COL28A1: variants seen among roughly 807,000 people sequenced by gnomAD.
COL28A1 encodes collagen alpha-1(XXVIII) chain.
A neutral mutation model predicts 150.2 loss-of-function variants in COL28A1; 161 were observed. That is an observed-to-expected ratio of 1.07 (90% CI 0.94 to 1.22). The LOEUF is 1.22. Among genes scored for constraint, COL28A1 ranks in the 50% most tolerant of loss-of-function variants. The pLI is 0.00. For synonymous variants in COL28A1, 552 were observed against 469.7 expected (o/e 1.18, Z -2.26); for missense variants, 1,617 against 1,388.3 (o/e 1.16, Z -2.62).
chr7:7,514,164 A>G (rs1781297679), intron 8 of COL28A1, among the ~76,000 whole-genome samples: 1 of 149,648 alleles, frequency 6.7e-6, no homozygotes, highest in Admixed American at 6.6e-5. Context: ...CACTATATAA[A>G]TCAAAATGGA....
At chr7:7,349,996 G>A in the COL28A1 span, among the ~76,000 whole-genome samples, 4 of 152,122 alleles carry the variant, frequency 2.6e-5, no homozygotes, top group African/African-American at 9.7e-5. Context: ...AAATATAAGT[G>A]ACAGAGAGGT....
At chr7:7,445,974 T>A (rs1786233027) in intron 18 of COL28A1, among the ~76,000 whole-genome samples, 1 of 151,936 alleles carries the variant, frequency 6.6e-6, no homozygotes, top group Non-Finnish European at 1.5e-5. Flanking sequence ...TTCTCCTGCC[T>A]CAGCCTCCTG....
chr7:7,439,287 G>C (rs967806852), intron 21 of COL28A1, among the ~76,000 whole-genome samples: 6 of 152,058 alleles, frequency 3.9e-5, no homozygotes, highest in African/African-American at 9.7e-5. Flanking sequence ...TTCTTGCCAA[G>C]GCATGTATGT....
chr7:7,526,643 T>G lies in COL28A1; in HGVS notation c.682-2394A>C, dbSNP rs192019672. ...TAACAATGAGCAATATCTTTTTTTT[T>G]TCTTCTTTTTGAGATGGAGTCTCGC... On this transcript the variant is annotated intron_variant, in intron 3 of 34. Coordinates refer to ENST00000399429, the MANE Select transcript of COL28A1 (RefSeq NM_001037763.3). 6.5e-3 allele frequency among the ~76,000 whole-genome samples: 992 copies of G among 152,306 alleles called. 6 individuals are homozygous for G. The highest frequency in any genetic ancestry group is 8.1e-3 in the South Asian group (39 of 4,822).
intron 27 of COL28A1, among the ~76,000 whole-genome samples, chr7:7,385,579 C>T (rs1041089071): frequency 2.6e-5 from 4 of 151,436 alleles, no homozygotes; most frequent in African/African-American, 9.8e-5. Flanking sequence ...ATGTCCAATA[C>T]ATGTTCATGA....
chr7:7,506,111 G>C (rs768493817), intron 10 of COL28A1, 44 bp from the exon 11 acceptor site: 2 of 952,040 alleles, frequency 2.1e-6, no homozygotes, highest in African/African-American at 1.6e-5. Flanking sequence ...TGTACAAAAG[G>C]CCAGCAGGAA....
intron 27 of COL28A1, among the ~76,000 whole-genome samples, chr7:7,398,363 A>G (rs973431317): frequency 6.6e-6 from 1 of 152,212 alleles, no homozygotes. Context: ...TTTTCTGTTT[A>G]TAACGACTAG....
downstream of COL28A1, among the ~76,000 whole-genome samples, chr7:7,357,287 T>G (rs1244839472): frequency 1.3e-5 from 2 of 152,096 alleles, no homozygotes; most frequent in Non-Finnish European, 2.9e-5. Context: ...TGACCTCAGG[T>G]GATCCACCCA....
chr7:7,474,720 A>G (rs781036927), intron 14 of COL28A1, 51 bp from the exon 15 acceptor site: 1 of 859,354 alleles, frequency 1.2e-6, no homozygotes, highest in Non-Finnish European at 2.0e-6. Flanking sequence ...TCTGAATTTT[A>G]AAAGAGTTTA....
chr7:7,422,053 G>C (rs73047875), intron 25 of COL28A1, among the ~76,000 whole-genome samples: 3 of 152,176 alleles, frequency 2.0e-5, no homozygotes, highest in Non-Finnish European at 4.4e-5. Flanking sequence ...TTCAAAGGGA[G>C]AGTGTGTAAG....
chr7:7,436,679 A>T (rs1162804736), intron 22 of COL28A1, among the ~76,000 whole-genome samples: 1 of 152,246 alleles, frequency 6.6e-6, no homozygotes, highest in African/African-American at 2.4e-5. Context: ...GAGAAAGTCC[A>T]TTGAAATAAT....
At chr7:7,454,693 A>G (rs1241290295) in intron 16 of COL28A1, among the ~76,000 whole-genome samples, 2 of 152,184 alleles carry the variant, frequency 1.3e-5, no homozygotes, top group Non-Finnish European at 2.9e-5. Flanking sequence ...ATTTAGCCCC[A>G]TAGTGGTCAC....
At chr7:7,507,029 G>A (rs1780846834) in intron 10 of COL28A1, 88 bp downstream of exon 10, 2 of 722,442 alleles carry the variant, frequency 2.8e-6, no homozygotes, top group South Asian at 3.4e-5. Flanking sequence ...TGATTTAACT[G>A]GCAGAGGGTG....
At chr7:7,477,664 A>T (rs1789014937) in intron 13 of COL28A1, among the ~76,000 whole-genome samples, 1 of 152,228 alleles carries the variant, frequency 6.6e-6, no homozygotes, top group South Asian at 2.1e-4. Context: ...GTGAAGCTGC[A>T]GACCTTCGCA....
At chr7:7,472,438 A>AT (rs1203403320) in intron 15 of COL28A1, among the ~76,000 whole-genome samples, 1 of 152,080 alleles carries the variant, frequency 6.6e-6, no homozygotes, top group East Asian at 1.9e-4. Context: ...AAAAAAAAAA[A>AT]TAAAATACTT....
intron 15 of COL28A1, among the ~76,000 whole-genome samples, chr7:7,459,555 T>G (rs1187165211): frequency 6.6e-6 from 1 of 152,258 alleles, no homozygotes. Flanking sequence ...CAAATTGATA[T>G]GAGTTCTCTG....
At chr7:7,495,279 C>T (rs1300631358) in intron 11 of COL28A1, among the ~76,000 whole-genome samples, 1 of 152,188 alleles carries the variant, frequency 6.6e-6, no homozygotes, top group Non-Finnish European at 1.5e-5. Context: ...ACTTACAGCA[C>T]ATCTCAATTT....
chr7:7,441,321 C>G (rs948041391), intron 20 of COL28A1, among the ~76,000 whole-genome samples: 7 of 151,934 alleles, frequency 4.6e-5, no homozygotes, highest in African/African-American at 1.7e-4. Context: ...TTCTTTCCCC[C>G]AAAAGAGACC....
chr7:7,411,503 C>T (rs1429463589), intron 27 of COL28A1, among the ~76,000 whole-genome samples: 8 of 152,180 alleles, frequency 5.3e-5, no homozygotes, highest in Admixed American at 3.3e-4. Context: ...ACTGCTACTC[C>T]TCTTTTTCTC....
Sources: allele counts gnomAD v4.1 joint callset (sites outside exome capture counted in the v4.1 genomes callset), GRCh38; gene constraint gnomAD v4.1.1; transcripts MANE v1.5; gene names NCBI Gene and HGNC (gene_info 2026-07-23, HGNC 2026-07-21).